Variants in USP34 observed in about 807,000 individuals in gnomAD.
The protein encoded by USP34 is ubiquitin carboxyl-terminal hydrolase 34.
Under a neutral mutation model 460.3 loss-of-function variants are expected in USP34, and 70 were observed. That is an observed-to-expected ratio of 0.15 (90% CI 0.13 to 0.19). The LOEUF (loss-of-function observed/expected upper bound fraction) is 0.19, where lower values mean the gene tolerates loss of function less well. Ranked by LOEUF, USP34 falls within the 10% of genes least tolerant of loss-of-function variation. The pLI is 1.00. For synonymous variants in USP34, 1,647 were observed against 1,405.3 expected, an observed-to-expected ratio of 1.17 and a Z score of -3.85; for missense variants, 3,985 against 4,236.2, an observed-to-expected ratio of 0.94 and a Z score of 1.65.
chr2:61,387,003 C>T (rs1031595600), intron 5 of USP34, among the ~76,000 whole-genome samples: 3 of 152,054 alleles, frequency 2.0e-5, no homozygotes, highest in Non-Finnish European at 4.4e-5. Flanking sequence ...ACACTTCTAC[C>T]TAAAAAGACG....
At chr2:61,363,212 G>A (rs756822342) in intron 10 of USP34, among the ~76,000 whole-genome samples, 1 of 152,100 alleles carries the variant, frequency 6.6e-6, no homozygotes, top group Non-Finnish European at 1.5e-5. Flanking sequence ...GAAGTAACAA[G>A]TATAGGCAAG....
chr2:61,232,098 G>A (rs565553203), intron 58 of USP34, among the ~76,000 whole-genome samples: 4 of 152,004 alleles, frequency 2.6e-5, no homozygotes, highest in Non-Finnish European at 5.9e-5. Flanking sequence ...TAGCTTTTGA[G>A]GTCACTATAG....
intron 75 of USP34, among the ~76,000 whole-genome samples, chr2:61,202,882 T>A (rs1687016381): frequency 6.6e-6 from 1 of 152,132 alleles, no homozygotes; most frequent in Non-Finnish European, 1.5e-5. Context: ...GGATGTGGGC[T>A]TCTATGTACA....
chr2:61,333,847 T>C (rs753906043), intron 19 of USP34, 35 bp downstream of exon 19: 4 of 1,397,368 alleles, frequency 2.9e-6, no homozygotes, highest in African/African-American at 1.5e-5. Context: ...GAAAAAAATC[T>C]TTAAAATAAA....
intron 59 of USP34, 87 bp from the exon 60 acceptor site, chr2:61,229,082 T>C: frequency 9.4e-7 from 1 of 1,061,016 alleles, no homozygotes; most frequent in Non-Finnish European, 1.3e-6. Context: ...ACTCTGAATT[T>C]CTTTTATCTT....
At chr2:61,394,723 ATT>A (rs2103901663) in intron 5 of USP34, 128 bp downstream of exon 5, 3 of 632,202 alleles carry the variant, frequency 4.7e-6, no homozygotes, top group Non-Finnish European at 7.2e-6. Context: ...TTCTGTACTC[ATT>A]TTGTCAAAAT....
chr2:61,422,202 CATTGTATG>C (rs1694382754), intron 1 of USP34, among the ~76,000 whole-genome samples: 1 of 152,186 alleles, frequency 6.6e-6, no homozygotes, highest in African/African-American at 2.4e-5. Flanking sequence ...CAACCTCTTG[CATTGTATG>C]ATTTCAACAA....
At chr2:61,381,251 C>CT in intron 6 of USP34, among the ~76,000 whole-genome samples, 2 of 134,916 alleles carry the variant, frequency 1.5e-5, no homozygotes, top group East Asian at 4.2e-4. Context: ...AAATGTAAAA[C>CT]TAAAAAAAAA....
chr2:61,400,237 G>A (rs1035935304), intron 3 of USP34, among the ~76,000 whole-genome samples: 2 of 151,694 alleles, frequency 1.3e-5, no homozygotes, highest in South Asian at 2.1e-4. Context: ...AGCCTCCCCA[G>A]TAGCTGGGAC....
intron 57 of USP34, among the ~76,000 whole-genome samples, chr2:61,233,667 GA>G (rs1272197317): frequency 6.6e-6 from 1 of 151,494 alleles, no homozygotes; most frequent in Non-Finnish European, 1.5e-5. Context: ...TATAAAAAAA[GA>G]AAAAAAATTA....
intron 34 of USP34, among the ~76,000 whole-genome samples, chr2:61,285,213 T>C (rs1257243260): frequency 6.6e-6 from 1 of 152,074 alleles, no homozygotes; most frequent in Non-Finnish European, 1.5e-5. Flanking sequence ...CTGGGTATGG[T>C]GGCTCACTGT....
Position 61,214,347 on chromosome 2 carries a change from G to C in USP34, c.8395C>G (p.Gln2799Glu). Reference sequence around the variant, plus strand: ...TTGTACCAAAATGAAAGCAAAGCCTGTTTATTGTGATTTGTAGCTATTGCT... The same window carrying C: ...TTGTACCAAAATGAAAGCAAAGCCTCTTTATTGTGATTTGTAGCTATTGCT... Reference protein sequence around the residue: ...EPAIATNHNKQALLSFWYNVC... With the variant: ...EPAIATNHNKEALLSFWYNVC... The change falls in exon 68 of 80, where the codon CAG (glutamine) becomes GAG (glutamate). Residue 2799 changes from glutamine (Q) to glutamate (E), a missense_variant. Physicochemically the swap from Gln to Glu is conservative, Grantham distance 29 (BLOSUM62 2). Transcript: ENST00000398571. 6.2e-7 allele frequency: 1 copy of C among 1,614,248 alleles called. No homozygotes were observed. Among genetic ancestry groups the C allele is most frequent in the Non-Finnish European group, 8.5e-7 (1 of 1,180,030 alleles).
chr2:61,457,933 A>G (rs574966506), intron 1 of USP34, among the ~76,000 whole-genome samples: 1 of 152,332 alleles, frequency 6.6e-6, no homozygotes, highest in Admixed American at 6.5e-5. Context: ...AAGGACTGAC[A>G]GTACTTGATA....
chr2:61,315,273 C>G (rs1690708118), intron 23 of USP34, among the ~76,000 whole-genome samples: 1 of 152,074 alleles, frequency 6.6e-6, no homozygotes, highest in African/African-American at 2.4e-5. Flanking sequence ...CAATAACGAG[C>G]ACAATGCTTC....
At position 61,348,228 on chromosome 2, in the gene USP34, G is replaced by C. The variant is rs377253883; in HGVS notation, c.1927C>G (p.Arg643Gly). The change falls in exon 15 of 80, where the codon CGG (arginine) becomes GGG (glycine). Residue 643 changes from arginine to glycine, a missense_variant. Arg to Gly is a moderately radical substitution (Grantham distance 125, BLOSUM62 -2). Coordinates refer to ENST00000398571, the MANE Select transcript of USP34 (RefSeq NM_014709.4). ...PPKSSCGTDL[R>G]NRKLESQAGI... is the part of the protein sequence containing the mutation. ...GCTTGACTCTCTAACTTTCTATTCC[G>C]AAGATCTGTACCACAACTGCTTTTG... 3.1e-6 allele frequency: 5 copies of C among 1,614,112 alleles called. No homozygotes were observed. The highest frequency in any genetic ancestry group is 4.2e-6 in the Non-Finnish European group (5 of 1,180,016).
At chr2:61,223,890 C>T (rs1687659178) in intron 62 of USP34, among the ~76,000 whole-genome samples, 1 of 152,140 alleles carries the variant, frequency 6.6e-6, no homozygotes. Context: ...TACAAGTATT[C>T]CATCAGTCAG....
chr2:61,287,282 G>A (rs886936018), intron 34 of USP34, among the ~76,000 whole-genome samples: 1 of 152,098 alleles, frequency 6.6e-6, no homozygotes, highest in African/African-American at 2.4e-5. Context: ...GGGTAGACAC[G>A]AGGTGAGGTT....
chr2:61,400,562 C>A (rs1693685649), intron 3 of USP34, among the ~76,000 whole-genome samples: 2 of 152,076 alleles, frequency 1.3e-5, no homozygotes, highest in South Asian at 4.1e-4. Flanking sequence ...CTAAAAAATA[C>A]TAAATTGACT....
At chr2:61,418,980 AAT>A (rs1257576537) in intron 2 of USP34, among the ~76,000 whole-genome samples, 5 of 152,194 alleles carry the variant, frequency 3.3e-5, no homozygotes, top group South Asian at 2.1e-4. Context: ...TTTTAATTAA[AAT>A]ATGTGTTTAT....
Sources: gnomAD v4.1 joint callset for allele counts (sites outside exome capture counted in the v4.1 genomes callset) on GRCh38, gnomAD v4.1.1 for gene constraint, MANE v1.5 for transcripts, NCBI Gene and HGNC (gene_info 2026-07-23, HGNC 2026-07-21) for gene names.